Variants in FBLIM1 observed in about 807,000 individuals in gnomAD.
FBLIM1 encodes the protein filamin binding LIM protein 1.
In FBLIM1, 29 loss-of-function variants were observed where a neutral mutation model predicts 37.4. That is an observed-to-expected ratio of 0.77 (90% CI 0.58 to 1.06). The LOEUF (loss-of-function observed/expected upper bound fraction) is 1.06. Among genes scored for constraint, FBLIM1 ranks in the 50% least tolerant of loss-of-function variants. FBLIM1 has a pLI of 0.00. For missense variants in FBLIM1, 449 were observed against 505.6 expected (o/e 0.89, Z 1.07); for synonymous variants, 193 against 199.0 (o/e 0.97, Z 0.25).
intron 8 of FBLIM1, 37 bp downstream of exon 8, chr1:15,777,324 GC>G: frequency 6.6e-7 from 1 of 1,510,436 alleles, no homozygotes; most frequent in Middle Eastern, 1.7e-4. Context: ...ACATTCCATT[GC>G]TGCGTGCCAG....
chr1:15,777,520 C>T (rs911702262), intron 8 of FBLIM1, among the ~76,000 whole-genome samples: 1 of 151,456 alleles, frequency 6.6e-6, no homozygotes, highest in Non-Finnish European at 1.5e-5. Flanking sequence ...TCTGTTGGCT[C>T]ATGGTGCTGG....
At chr1:15,769,572 A>G (rs999079430) in intron 5 of FBLIM1, among the ~76,000 whole-genome samples, 1 of 152,212 alleles carries the variant, frequency 6.6e-6, no homozygotes, top group Non-Finnish European at 1.5e-5. Context: ...TGGGAGGTCA[A>G]GGCAGCCAAC....
chr1:15,769,282 G>A (rs997232745), intron 5 of FBLIM1, among the ~76,000 whole-genome samples: 2 of 151,830 alleles, frequency 1.3e-5, no homozygotes, highest in Non-Finnish European at 2.9e-5. Flanking sequence ...TTCGAGATCC[G>A]CCTGGCCAAC....
At chr1:15,783,825 G>A (rs552343535) in intron 8 of FBLIM1, among the ~76,000 whole-genome samples, 91 of 151,904 alleles carry the variant, frequency 6.0e-4, no homozygotes, top group African/African-American at 2.1e-3. Flanking sequence ...CCTGTGATCC[G>A]CCCGCCTCAG....
At position 15,779,408 on chromosome 1, in the gene FBLIM1, G is replaced by A. The variant is rs180960921; in HGVS notation, c.1008+2121G>A. Among the ~76,000 whole-genome samples the A allele has an allele frequency of 3.1e-4, 47 of 151,998 alleles. No homozygotes were observed. The East Asian group carries it at 4.1e-3, about 13-fold the overall frequency. ...CAACCTCCACCTCCTGGGTTCATGC[G>A]GTTCTCCTGCCTCAGCCTACCAAGC... On this transcript the variant is annotated intron_variant, in intron 8 of 8. Coordinates refer to ENST00000375766, the MANE Select transcript of FBLIM1 (RefSeq NM_017556.4).
At chr1:15,762,208 C>G (rs564239451) in intron 1 of FBLIM1, among the ~76,000 whole-genome samples, 26 of 151,608 alleles carry the variant, frequency 1.7e-4, no homozygotes, top group Non-Finnish European at 3.2e-4. Context: ...CCTGCCTCAG[C>G]CTCCTAAGTA....
At chr1:15,774,003 C>T (rs571748014) in intron 6 of FBLIM1, among the ~76,000 whole-genome samples, 15 of 152,076 alleles carry the variant, frequency 9.9e-5, no homozygotes, top group East Asian at 7.8e-4. Context: ...GGCGTGGTGG[C>T]GCACACCTGT....
intron 8 of FBLIM1, among the ~76,000 whole-genome samples, chr1:15,781,929 A>G (rs1469235214): frequency 6.6e-6 from 1 of 151,592 alleles, no homozygotes. Context: ...TGTGTTAGCC[A>G]GGATGGTCTT....
intron 1 of FBLIM1, among the ~76,000 whole-genome samples, chr1:15,762,625 G>A (rs932148241): frequency 4.6e-5 from 7 of 152,186 alleles, no homozygotes; most frequent in Admixed American, 4.6e-4. Flanking sequence ...TTGAACTCCT[G>A]ACCTCAAGTG....
At chr1:15,771,536 G>A (rs1393795574) in intron 6 of FBLIM1, among the ~76,000 whole-genome samples, 2 of 151,902 alleles carry the variant, frequency 1.3e-5, no homozygotes, top group Non-Finnish European at 2.9e-5. Context: ...GTGAGCCACC[G>A]CACCTGGCCC....
In FBLIM1 at chr1:15,785,612, G is replaced by A. The variant is rs2069751357; in HGVS notation, c.*951G>A. 1 of 152,206 alleles carries A rather than the reference G, an allele frequency of 6.6e-6. No individual in the cohort carries two copies. The highest frequency in any genetic ancestry group is 2.1e-4 in the South Asian group (1 of 4,822). The allele number at this position is 152,206 out of a possible 1,614,324, so 9.4% of individuals were successfully genotyped here. A position where few individuals can be genotyped will look rare whatever the true frequency, so the allele number is the denominator to read the frequency against. ...ATGGCACCACTGCACTCCAGCCTGG[G>A]AGACACAGCGAGACTCTGTCTCCAA... On this transcript the variant is annotated 3_prime_UTR_variant, in exon 9 of 9. Coordinates refer to ENST00000375766, the MANE Select transcript of FBLIM1 (RefSeq NM_017556.4).
intron 3 of FBLIM1, among the ~76,000 whole-genome samples, chr1:15,766,055 C>T (rs555497005): frequency 1.3e-5 from 2 of 152,310 alleles, no homozygotes; most frequent in East Asian, 3.9e-4. Context: ...GGCTCCCACC[C>T]CAAGTATCTC....
chr1:15,767,278 G>A (rs2148523447), intron 3 of FBLIM1, 98 bp from the exon 4 acceptor site: 1 of 1,113,786 alleles, frequency 9.0e-7, no homozygotes, highest in Non-Finnish European at 1.3e-6. Flanking sequence ...TCCCGACCGG[G>A]GCCCTCAGCT....
At chr1:15,768,238 C>T (rs930203901) in intron 4 of FBLIM1, among the ~76,000 whole-genome samples, 2 of 151,322 alleles carry the variant, frequency 1.3e-5, no homozygotes, top group East Asian at 1.9e-4. Context: ...AAATGGGGGG[C>T]GTCACAGGCC....
chr1:15,764,855 G>A (rs2068839195), intron 2 of FBLIM1, 109 bp from the exon 3 acceptor site: 1 of 1,310,798 alleles, frequency 7.6e-7, no homozygotes, highest in African/African-American at 1.5e-5. Context: ...TGTTGAGATG[G>A]TAGGGTGGCT....
At position 15,777,182 on chromosome 1, in the gene FBLIM1, C is replaced by T. The variant is rs781317747; in HGVS notation, c.903C>T (p.Pro301=). ...CLDDFYRKFA[P]VCSICENPII... ...CCTTTGCTTCTAGGAAATTCGCCCC[C>T]GTCTGCAGCATCTGTGAAAATCCCA... Residue 301 remains proline, a synonymous_variant, in exon 8 of 9, where the codon CCC becomes CCT. Coordinates refer to ENST00000375766, the MANE Select transcript of FBLIM1 (RefSeq NM_017556.4). 33 of 1,605,366 alleles carry T rather than the reference C, an allele frequency of 2.1e-5. No homozygotes were observed. The highest frequency in any genetic ancestry group is 1.7e-4 in the Middle Eastern group (1 of 6,012).
At chr1:15,773,437 G>GGGAGGCT in intron 6 of FBLIM1, among the ~76,000 whole-genome samples, 1 of 151,812 alleles carries the variant, frequency 6.6e-6, no homozygotes. Context: ...CCAGCACTTT[G>GGGAGGCT]GGAGGCTGAG....
At position 15,758,819 on chromosome 1, in the gene FBLIM1, A is replaced by G. The variant is rs2068519491; in HGVS notation, c.-240A>G. 1 of 136,554 alleles carries G rather than the reference A, an allele frequency of 7.3e-6. No homozygotes were observed. Among genetic ancestry groups the G allele is most frequent in the Non-Finnish European group, 1.6e-5 (1 of 64,298 alleles). The allele number at this position is 136,554 out of a possible 1,614,324, so 8.5% of individuals were successfully genotyped here. On this transcript the variant is annotated 5_prime_UTR_variant, in exon 1 of 9. Coordinates refer to ENST00000375766, the MANE Select transcript of FBLIM1 (RefSeq NM_017556.4). This position sits in a 1 kb window ranked among gnomAD's most constrained non-coding sequence, Gnocchi z 6.2. ...CGGGCTCCGCTGGCTCGGGCGTCGGATCGGAGCCGCCGGGGCGCGGGCGGC... is the reference window on the plus strand; with the variant it reads ...CGGGCTCCGCTGGCTCGGGCGTCGGGTCGGAGCCGCCGGGGCGCGGGCGGC...
At chr1:15,770,726 C>G (rs12116447) in intron 6 of FBLIM1, 148 bp downstream of exon 6, 4 of 1,022,432 alleles carry the variant, frequency 3.9e-6, no homozygotes, top group Non-Finnish European at 4.2e-6. Context: ...AAAGAAGGAG[C>G]CCAGTGAAGG....
Sources: allele counts gnomAD v4.1 joint callset (sites outside exome capture counted in the v4.1 genomes callset), GRCh38; gene constraint gnomAD v4.1.1; non-coding constraint Gnocchi (gnomAD v3.1); transcripts MANE v1.5; gene names NCBI Gene and HGNC (gene_info 2026-07-23, HGNC 2026-07-21).